Variants in NCOR2 observed in about 807,000 individuals in gnomAD.
The protein encoded by NCOR2 is CTG repeat protein 26.
In NCOR2, 81 loss-of-function variants were observed where a neutral mutation model predicts 262.9. The observed-to-expected ratio is 0.31, with a 90% CI of 0.26 to 0.37. The LOEUF (loss-of-function observed/expected upper bound fraction) is 0.37, where lower values mean the gene tolerates loss of function less well. NCOR2 is among the 10% of genes least tolerant of loss of function. The pLI is 1.00. For missense variants in NCOR2, 3,385 were observed against 3,621.4 expected, an observed-to-expected ratio of 0.93 and a Z score of 1.68; for synonymous variants, 1,659 against 1,559.3, an observed-to-expected ratio of 1.06 and a Z score of -1.51.
chr12:124,415,633 TGA>T (rs1177361201), intron 13 of NCOR2, among the ~76,000 whole-genome samples: 3 of 152,210 alleles, frequency 2.0e-5, no homozygotes, highest in Admixed American at 6.5e-5. Context: ...GCCATCTTTC[TGA>T]GAGACGCAGA....
chr12:124,406,437 C>T (rs1439351741), intron 13 of NCOR2, among the ~76,000 whole-genome samples: 1 of 152,180 alleles, frequency 6.6e-6, no homozygotes, highest in Non-Finnish European at 1.5e-5. Flanking sequence ...TCAGATCCCA[C>T]TGAGGAGTGA....
At chr12:124,331,001 G>GA in intron 43 of NCOR2, 103 bp from the exon 46 acceptor site, 1 of 1,231,304 alleles carries the variant, frequency 8.1e-7, no homozygotes, top group Non-Finnish European at 1.2e-6. Flanking sequence ...ATCACCTGGG[G>GA]AAACTTGTGC....
chr12:124,484,271 C>T (rs1230386140), intron 2 of NCOR2, among the ~76,000 whole-genome samples: 1 of 152,212 alleles, frequency 6.6e-6, no homozygotes, highest in Non-Finnish European at 1.5e-5. Flanking sequence ...TGGCCGATCG[C>T]AGAACTCTTG....
At chr12:124,388,731 AG>A in intron 16 of NCOR2, 2 of 1,304,310 alleles carry the variant, frequency 1.5e-6, no homozygotes, top group South Asian at 2.5e-5. Flanking sequence ...CCGGAAACAT[AG>A]GGCTGGGAAG....
intron 41 of NCOR2, among the ~76,000 whole-genome samples, chr12:124,333,740 G>A (rs1019412660): frequency 6.6e-6 from 1 of 152,208 alleles, no homozygotes; most frequent in Non-Finnish European, 1.5e-5. Flanking sequence ...ACCCCCAGAG[G>A]CCCCACGGTT....
chr12:124,405,098 ACCTATC>A (rs536745971), intron 13 of NCOR2, among the ~76,000 whole-genome samples: 6 of 150,876 alleles, frequency 4.0e-5, no homozygotes, highest in Middle Eastern at 3.2e-3. Context: ...CGCCCCATCT[ACCTATC>A]CCTACCTGCC....
At chr12:124,433,864 AC>A (rs1337612730) in intron 8 of NCOR2, among the ~76,000 whole-genome samples, 1 of 63,292 alleles carries the variant, frequency 1.6e-5, no homozygotes, top group Non-Finnish European at 3.0e-5. Flanking sequence ...ACACACACAC[AC>A]ACACACACAC....
chr12:124,333,837 C>T (rs907988434), intron 41 of NCOR2, among the ~76,000 whole-genome samples: 28 of 146,818 alleles, frequency 1.9e-4, no homozygotes, highest in South Asian at 4.4e-4. Context: ...TGTGCGGGTG[C>T]GCCTGTGTGC....
exon 31 of NCOR2, chr12:124,346,588 C>A (rs761641147): frequency 6.4e-7 from 1 of 1,571,300 alleles, no homozygotes; most frequent in South Asian, 1.2e-5. Flanking sequence ...CCTCCTTGAG[C>A]GGCCGCGGGG....
intron 1 of NCOR2, among the ~76,000 whole-genome samples, chr12:124,519,089 T>TACACACACACACACACACACACAC (rs57438929): frequency 3.4e-4 from 33 of 97,310 alleles, no homozygotes; most frequent in Middle Eastern, 5.0e-3. Context: ...GGCCAAATAA[T>TACACACACACACACACACACACAC]ACACACACAC....
At chr12:124,499,249 G>A (rs1249506299), upstream of NCOR2, among the ~76,000 whole-genome samples, 1 of 152,250 alleles carries the variant, frequency 6.6e-6, no homozygotes, top group East Asian at 1.9e-4. Context: ...GGATGGATCC[G>A]GGCTGGAGGG....
chr12:124,335,045 CAGA>C, intron 40 of NCOR2, 87 bp downstream of exon 42: 1 of 1,592,970 alleles, frequency 6.3e-7, no homozygotes, highest in Non-Finnish European at 8.6e-7. Context: ...CCCGCCAGGA[CAGA>C]AGGGCTGTGG....
rs755747581 is a variant in NCOR2, at chr12:124,340,102, G to A, written c.5591C>T (p.Thr1864Ile). The A allele has an allele frequency of 3.7e-6, 6 of 1,612,906 alleles. No individual in the cohort carries two copies. In the South Asian group the frequency reaches 4.4e-5, roughly 12 times the overall value. Residue 1864 changes from threonine (T) to isoleucine (I), a missense_variant, in exon 37 of 47, where the codon ACC becomes ATC. Coordinates refer to ENST00000405201, the Ensembl canonical transcript of NCOR2. ...GGGTCTCTGCTGGAGGGCATCCTGG[G>A]TCCGAGGGGAGATGGGCGAGTGCTG...
At chr12:124,387,316 C>T (rs1397082384) in intron 16 of NCOR2, among the ~76,000 whole-genome samples, 1 of 134,634 alleles carries the variant, frequency 7.4e-6, no homozygotes, top group Non-Finnish European at 1.5e-5. Context: ...GCAGCAGAAA[C>T]ATCAACACAT....
At chr12:124,510,205 C>G (rs2049314211) in intron 1 of NCOR2, among the ~76,000 whole-genome samples, 1 of 152,184 alleles carries the variant, frequency 6.6e-6, no homozygotes, top group African/African-American at 2.4e-5. Context: ...GCCCCCACCC[C>G]ACAGGCACTG....
At chr12:124,335,716 G>A (rs2035816178) in intron 38 of NCOR2, 84 bp from the exon 41 acceptor site, 42 of 1,460,276 alleles carry the variant, frequency 2.9e-5, no homozygotes, top group Non-Finnish European at 3.8e-5. Flanking sequence ...CCAGCTGGCT[G>A]GGACCCCGGG....
exon 22 of NCOR2, chr12:124,362,280 A>G: frequency 7.6e-7 from 1 of 1,315,490 alleles, no homozygotes; most frequent in Non-Finnish European, 9.7e-7. Context: ...GGGGGGGCTC[A>G]TGGACTTTGG....
intron 8 of NCOR2, among the ~76,000 whole-genome samples, chr12:124,433,877 C>CAA (rs397972191): frequency 0.13 from 15,322 of 118,810 alleles, 1,854 homozygotes; most frequent in Admixed American, 0.15. Context: ...CACACACACA[C>CAA]ACACACACAC....
intron 3 of NCOR2, among the ~76,000 whole-genome samples, chr12:124,473,346 A>G (rs2046925648): frequency 6.6e-6 from 1 of 152,234 alleles, no homozygotes; most frequent in Admixed American, 6.5e-5. Flanking sequence ...GGCACCATCT[A>G]ATCAGCTGCC....
Sources: allele counts gnomAD v4.1 joint callset (sites outside exome capture counted in the v4.1 genomes callset), GRCh38; gene constraint gnomAD v4.1.1; transcripts MANE v1.5; gene names NCBI Gene and HGNC (gene_info 2026-07-23, HGNC 2026-07-21).